Variants in IL6ST observed in about 807,000 individuals in gnomAD.
The protein encoded by IL6ST is interleukin-6 receptor subunit beta.
Under a neutral mutation model 91.3 loss-of-function variants are expected in IL6ST, and 24 were observed. The ratio of observed to expected loss-of-function variants is 0.26; its 90% CI spans 0.19 to 0.37. The LOEUF (loss-of-function observed/expected upper bound fraction) is 0.37. Ranked by LOEUF, IL6ST falls within the 10% of genes least tolerant of loss-of-function variation. The pLI, the probability that IL6ST is intolerant of heterozygous loss-of-function variation, is 1.00. For missense variants in IL6ST, 914 were observed against 1,078.5 expected, an observed-to-expected ratio of 0.85 and a Z score of 2.14; for synonymous variants, 351 against 373.6, an observed-to-expected ratio of 0.94 and a Z score of 0.70.
Position 55,941,111 on chromosome 5 carries a change from C to G in IL6ST, c.2728G>C (p.Val910Leu), listed in dbSNP as rs1176474530. The change falls in exon 17 of 17, where the codon GTA becomes CTA. Residue 910 changes from valine (V) to leucine (L), a missense_variant. By Grantham distance (32) the Val-to-Leu change is conservative. Transcript: ENST00000381298. ...GMPKSYLPQTVRQGGYMPQ is the reference protein window; with the variant it reads ...GMPKSYLPQTLRQGGYMPQ ...TGAGGCATGTAGCCGCCTTGCCGTA[C>G]AGTCTGTGGTAAGTAACTTTTAGGC... 1.8e-5 allele frequency: 29 copies of G among 1,613,646 alleles called. No homozygotes were observed. Among genetic ancestry groups the G allele is most frequent in the Non-Finnish European group, 2.3e-5 (27 of 1,179,768 alleles).
At chr5:55,945,040 CAAA>C (rs368225632) in intron 15 of IL6ST, among the ~76,000 whole-genome samples, 3 of 71,894 alleles carry the variant, frequency 4.2e-5, no homozygotes, top group Non-Finnish European at 7.3e-5. Context: ...GGAATTAAAT[CAAA>C]AAAAAAAAAA....
In IL6ST at chr5:55,951,698, G is replaced by A. The variant is rs148964955; in HGVS notation, c.1700-94C>T. ...ATTGTGAAAGTGTTAAAAAAGAAGC[G>A]AAGTATTTTTGTTGGAAAACAACTT... On this transcript the variant is annotated intron_variant, in intron 13 of 16. Coordinates refer to ENST00000381298, the MANE Select transcript of IL6ST (RefSeq NM_002184.4). The A allele has an allele frequency of 7.5e-4, 946 of 1,261,872 alleles. 9 individuals carry two copies. The African/African-American group carries it at 0.013, about 17-fold the overall frequency. 78.2% of individuals were successfully genotyped at this position (1,261,872 alleles called of 1,614,324 possible).
At chr5:55,972,380 C>T (rs1016502691) in intron 3 of IL6ST, among the ~76,000 whole-genome samples, 4 of 151,878 alleles carry the variant, frequency 2.6e-5, no homozygotes, top group East Asian at 1.9e-4. Flanking sequence ...GGCGTGGTGG[C>T]GGGCGCCTGT....
At chr5:55,942,820 A>C in intron 15 of IL6ST, 69 bp from the exon 16 acceptor site, 2 of 828,086 alleles carry the variant, frequency 2.4e-6, no homozygotes, top group South Asian at 3.0e-5. Context: ...CCTATTTCTA[A>C]ACATGTTCAT....
At chr5:55,964,439 G>T in intron 5 of IL6ST, 127 bp from the exon 6 acceptor site, 1 of 546,324 alleles carries the variant, frequency 1.8e-6, no homozygotes, top group Non-Finnish European at 3.2e-6. Flanking sequence ...TATAACTGCT[G>T]GTCACTAACA....
chr5:55,945,982 A>C (rs1286722083), intron 15 of IL6ST, among the ~76,000 whole-genome samples: 1 of 152,200 alleles, frequency 6.6e-6, no homozygotes, highest in Non-Finnish European at 1.5e-5. Context: ...CAAAGCACAG[A>C]CTGGGACAAA....
intron 7 of IL6ST, among the ~76,000 whole-genome samples, chr5:55,963,018 A>T (rs1299882703): frequency 2.6e-5 from 4 of 151,844 alleles, no homozygotes; most frequent in African/African-American, 7.3e-5. Flanking sequence ...CTAAGGCAGG[A>T]GGATCACTTA....
chr5:55,945,153 T>A (rs1247953220), intron 15 of IL6ST, among the ~76,000 whole-genome samples: 3 of 151,454 alleles, frequency 2.0e-5, no homozygotes, highest in Non-Finnish European at 4.4e-5. Flanking sequence ...GTTGACAAGC[T>A]GAATTAAAAT....
intron 10 of IL6ST, among the ~76,000 whole-genome samples, 198 bp downstream of exon 10, chr5:55,955,827 A>T (rs1193186301): frequency 2.0e-5 from 3 of 152,226 alleles, no homozygotes; most frequent in Non-Finnish European, 2.9e-5. Flanking sequence ...GACCAGCCTG[A>T]GCAACCTGGC....
rs79314017 is a variant in IL6ST at position 55,988,285 on chromosome 5, A to G, written c.-103-5474T>C. On this transcript the variant is annotated intron_variant, in intron 1 of 16. Transcript: ENST00000381298. ...TGCTCTAAAGGGCTTAAGCAAAAAT[A>G]TAATAAATAAGATCTAAAAATGGAA... 6.6e-5 allele frequency among the ~76,000 whole-genome samples: 10 copies of G among 152,326 alleles called. No homozygotes were observed. The East Asian group carries it at 1.9e-3, about 29-fold the overall frequency.
Position 55,941,431 on chromosome 5 carries a change from T to C in IL6ST, c.2408A>G (p.Asp803Gly). 6.2e-7 allele frequency: 1 copy of C among 1,614,228 alleles called. No homozygotes were observed. The highest frequency in any genetic ancestry group is 8.5e-7 in the Non-Finnish European group (1 of 1,180,036). ...PEDLQLVDHV[D>G]GGDGILPRQQ... ...CCTGGGCAAAATACCATCACCGCCATCTACATGATCTACTAATTGTAGATC... is the reference window on the plus strand; with the variant it reads ...CCTGGGCAAAATACCATCACCGCCACCTACATGATCTACTAATTGTAGATC... The change falls in exon 17 of 17, where the codon GAT becomes GGT. Residue 803 changes from aspartate (D) to glycine (G), a missense_variant. Asp to Gly is a moderately conservative substitution (Grantham distance 94). Transcript: ENST00000381298.
chr5:55,956,317 T>C (rs1751971114), intron 9 of IL6ST, 82 bp from the exon 10 acceptor site: 1 of 740,036 alleles, frequency 1.4e-6, no homozygotes. Flanking sequence ...TCACAAATCA[T>C]GCCATTATGT....
At chr5:55,955,057 C>T (rs1223604170) in intron 10 of IL6ST, 65 bp from the exon 11 acceptor site, 3 of 1,118,060 alleles carry the variant, frequency 2.7e-6, no homozygotes, top group Non-Finnish European at 3.9e-6. Flanking sequence ...CCATATTTTA[C>T]AGTCATTTCC....
chr5:55,949,815 T>G (rs1377056919), intron 14 of IL6ST, among the ~76,000 whole-genome samples: 1 of 152,162 alleles, frequency 6.6e-6, no homozygotes, highest in Non-Finnish European at 1.5e-5. Flanking sequence ...ACAAGGCACA[T>G]GGAATTTACT....
rs536651729 is a variant in IL6ST, at chr5:55,957,057, C to T, written c.1056+152G>A. Reference sequence around the variant, plus strand: ...CCTGTAGTCCCAGCTACTCAGGAGGCTGAGGCAGGAGAATCACTTGAACCT... The same window carrying T: ...CCTGTAGTCCCAGCTACTCAGGAGGTTGAGGCAGGAGAATCACTTGAACCT... On this transcript the variant is annotated intron_variant, in intron 9 of 16. Transcript: ENST00000381298. 4.7e-5 allele frequency: 20 copies of T among 423,230 alleles called. No homozygotes were observed. In the East Asian group the frequency reaches 1.1e-3, roughly 24 times the overall value. 26.2% of individuals were successfully genotyped at this position (423,230 alleles called of 1,614,324 possible). A position where few individuals can be genotyped will look rare whatever the true frequency, so the allele number is the denominator to read the frequency against.
chr5:55,938,164 G>C lies in IL6ST; in HGVS notation c.*2918C>G, dbSNP rs1230616673. The C allele has an allele frequency of 5.2e-6, 1 of 191,644 alleles. No homozygotes were observed. The highest frequency in any genetic ancestry group is 2.3e-5 in the African/African-American group (1 of 42,998). The allele number at this position is 191,644 out of a possible 1,614,324, so 11.9% of individuals were successfully genotyped here. On this transcript the variant is annotated 3_prime_UTR_variant, in exon 17 of 17. Transcript: ENST00000381298. ...TCCACTAACTTCACAATAAGAGCTA[G>C]GGTCACTGGATGACTTCATGTGGTA...
Position 55,954,876 on chromosome 5 carries a change from C to T in IL6ST, c.1384G>A (p.Asp462Asn). ...KYILEWCVLS[D>N]KAPCITDWQQ... is the part of the protein sequence containing the mutation. ...CAGTCTGTGATACAGGGTGCTTTATCTGATAACACACACCACTCAAGTATA... is the reference window on the plus strand; with the variant it reads ...CAGTCTGTGATACAGGGTGCTTTATTTGATAACACACACCACTCAAGTATA... Residue 462 changes from aspartate to asparagine, a missense_variant, in exon 11 of 17, where the codon GAT becomes AAT. Coordinates refer to ENST00000381298, the MANE Select transcript of IL6ST (RefSeq NM_002184.4). The T allele has an allele frequency of 6.2e-7, 1 of 1,613,668 alleles. No individual in the cohort carries two copies. The highest frequency in any genetic ancestry group is 8.5e-7 in the Non-Finnish European group (1 of 1,179,688).
At position 55,956,279 on chromosome 5, in the gene IL6ST, T is replaced by G. The variant is rs543669669; in HGVS notation, c.1057-44A>C. 2.4e-4 allele frequency: 281 copies of G among 1,171,066 alleles called. 4 individuals carry two copies. The South Asian group carries it at 3.6e-3, about 15-fold the overall frequency. 72.5% of individuals were successfully genotyped at this position (1,171,066 alleles called of 1,614,324 possible). On this transcript the variant is annotated intron_variant, in intron 9 of 16. Transcript: ENST00000381298. ...TTTTTAAAAATAATCTCATAAATCT[T>G]GAATAAAAAATCAGTTTTTCTTCAT... is the stretch of plus-strand genomic sequence containing the variant.
At chr5:55,955,045 T>C (rs1751873822) in intron 10 of IL6ST, 53 bp from the exon 11 acceptor site, 1 of 1,273,374 alleles carries the variant, frequency 7.9e-7, no homozygotes, top group Non-Finnish European at 1.1e-6. Flanking sequence ...AATTTGAAAT[T>C]TCCATATTTT....
Sources: allele counts gnomAD v4.1 joint callset (sites outside exome capture counted in the v4.1 genomes callset), GRCh38; gene constraint gnomAD v4.1.1; transcripts MANE v1.5; gene names NCBI Gene and HGNC (gene_info 2026-07-23, HGNC 2026-07-21).